MAGI1: variants seen among roughly 807,000 people sequenced by gnomAD.
The protein encoded by MAGI1 is membrane associated guanylate kinase, WW and PDZ domain containing 1, also known as membrane-associated guanylate kinase, WW and PDZ domain-containing protein 1.
A neutral mutation model predicts 139.9 loss-of-function variants in MAGI1; 58 were observed. That is an observed-to-expected ratio of 0.41 (90% CI 0.34 to 0.52). MAGI1 has a LOEUF of 0.52. Among genes scored for constraint, MAGI1 ranks in the 20% least tolerant of loss-of-function variants. The pLI is 0.12. For missense variants in MAGI1, 1,874 were observed against 1,901.6 expected (o/e 0.99, Z 0.27); for synonymous variants, 812 against 737.9 (o/e 1.10, Z -1.63).
At chr3:65,497,010 G>A (rs1183207945) in intron 2 of MAGI1, among the ~76,000 whole-genome samples, 1 of 152,068 alleles carries the variant, frequency 6.6e-6, no homozygotes, top group East Asian at 1.9e-4. Flanking sequence ...TGAGGGGAAA[G>A]GTTTTGGGAA....
chr3:65,735,797 C>T (rs1371995283), intron 1 of MAGI1, among the ~76,000 whole-genome samples: 1 of 152,168 alleles, frequency 6.6e-6, no homozygotes, highest in Non-Finnish European at 1.5e-5. Context: ...CTTGCCAATA[C>T]ACATATATTA....
chr3:65,575,187 C>CTA lies in MAGI1; in HGVS notation c.430+46783_430+46784dup, dbSNP rs1359375311. Among the ~76,000 whole-genome samples the CTA allele has an allele frequency of 2.0e-5, 3 of 152,046 alleles. No homozygotes were observed. The East Asian group carries it at 5.8e-4, about 29-fold the overall frequency. On this transcript the variant is annotated intron_variant, in intron 2 of 22. Transcript: ENST00000402939. ...CTGAAAAAGGTCTTATATTCAGAAT[C>CTA]TATAGAGTTCCAAACAAAACACCAA...
At chr3:65,799,579 T>C (rs1235614827) in intron 1 of MAGI1, among the ~76,000 whole-genome samples, 3 of 152,174 alleles carry the variant, frequency 2.0e-5, no homozygotes, top group African/African-American at 7.2e-5. Flanking sequence ...TTATCATACA[T>C]ATGTATGTAT....
At chr3:65,627,708 G>A (rs149404787) in intron 1 of MAGI1, among the ~76,000 whole-genome samples, 129 of 151,312 alleles carry the variant, frequency 8.5e-4, no homozygotes, top group African/African-American at 2.6e-3. Context: ...GGGTTTCACC[G>A]TGCTAGCCAG....
chr3:65,389,950 C>T (rs1220394644), intron 14 of MAGI1, among the ~76,000 whole-genome samples: 1 of 152,232 alleles, frequency 6.6e-6, no homozygotes, highest in Non-Finnish European at 1.5e-5. Flanking sequence ...CTCTGCCCCC[C>T]AACTGCTGAG....
At chr3:65,882,999 T>G (rs191999354) in intron 1 of MAGI1, among the ~76,000 whole-genome samples, 2 of 151,208 alleles carry the variant, frequency 1.3e-5, no homozygotes, top group South Asian at 2.1e-4. Flanking sequence ...AAAGGACAAG[T>G]TGACCTCACA....
intron 1 of MAGI1, among the ~76,000 whole-genome samples, chr3:65,944,866 T>C (rs572719003): frequency 6.6e-5 from 10 of 152,322 alleles, no homozygotes; most frequent in African/African-American, 2.4e-4. Flanking sequence ...AAAGAGAGTG[T>C]CAATTTTGTC....
chr3:65,791,796 C>T (rs1184764466), intron 1 of MAGI1, among the ~76,000 whole-genome samples: 6 of 152,070 alleles, frequency 3.9e-5, no homozygotes, highest in Admixed American at 3.9e-4. Context: ...AGCAGAAAAA[C>T]ATTCAAATAT....
rs767102982 is a variant in MAGI1 at position 65,375,959 on chromosome 3, G to T, written c.2996-14C>A. 2 of 1,605,448 alleles carry T rather than the reference G, an allele frequency of 1.2e-6. No homozygotes were observed. The highest frequency in any genetic ancestry group is 2.2e-5 in the South Asian group (2 of 90,626). On this transcript the variant is annotated splice_polypyrimidine_tract_variant and intron_variant, in intron 17 of 22. Coordinates refer to ENST00000402939, the MANE Select transcript of MAGI1 (RefSeq NM_001033057.2). ...CACATGCATTGCCTGCTTTGATATT[G>T]AGTTTTAATTTTTTTAAAGTTACGT...
chr3:65,625,318 T>C (rs953481688), intron 1 of MAGI1, among the ~76,000 whole-genome samples: 4 of 152,126 alleles, frequency 2.6e-5, no homozygotes, highest in Admixed American at 2.6e-4. Flanking sequence ...ATATATACAG[T>C]GATTGGATGA....
intron 2 of MAGI1, among the ~76,000 whole-genome samples, chr3:65,529,944 C>T (rs1220648719): frequency 1.3e-5 from 2 of 152,170 alleles, no homozygotes; most frequent in Non-Finnish European, 2.9e-5. Context: ...GATCTTGACC[C>T]TCTCCCACCT....
At chr3:65,478,507 C>T in intron 4 of MAGI1, 85 bp downstream of exon 4, 4 of 1,326,776 alleles carry the variant, frequency 3.0e-6, no homozygotes, top group Admixed American at 1.7e-5. Flanking sequence ...CTCCTGAGAA[C>T]AGCATCCTTT....
At chr3:65,683,657 G>GATATATAT (rs377247002) in intron 1 of MAGI1, among the ~76,000 whole-genome samples, 576 of 86,378 alleles carry the variant, frequency 6.7e-3, no homozygotes, top group African/African-American at 9.6e-3. Flanking sequence ...GACTGAATAG[G>GATATATAT]ATATATATAT....
intron 1 of MAGI1, among the ~76,000 whole-genome samples, chr3:65,794,595 C>G (rs1263571700): frequency 1.3e-5 from 2 of 152,018 alleles, no homozygotes. Context: ...TCTGGCCTAG[C>G]CAATGTCAGC....
chr3:65,460,322 G>C (rs1190125080), intron 5 of MAGI1, among the ~76,000 whole-genome samples: 1 of 152,110 alleles, frequency 6.6e-6, no homozygotes, highest in African/African-American at 2.4e-5. Context: ...TTTGTACTGT[G>C]TTTAGTTTTG....
chr3:66,028,478 G>C (rs1374810917), intron 1 of MAGI1, among the ~76,000 whole-genome samples: 1 of 151,936 alleles, frequency 6.6e-6, no homozygotes, highest in Non-Finnish European at 1.5e-5. Context: ...GCCTGGATTT[G>C]AACCCAGGCG....
At chr3:65,855,699 TTAAA>T (rs1273642699) in intron 1 of MAGI1, among the ~76,000 whole-genome samples, 3 of 137,652 alleles carry the variant, frequency 2.2e-5, no homozygotes, top group Non-Finnish European at 4.7e-5. Flanking sequence ...GAAAACATAA[TTAAA>T]TAAAATCAGA....
intron 1 of MAGI1, among the ~76,000 whole-genome samples, chr3:65,888,145 T>A (rs58687721): frequency 3.3e-5 from 5 of 152,146 alleles, no homozygotes; most frequent in African/African-American, 1.2e-4. Flanking sequence ...CTATCCAACC[T>A]GATGGTAAGA....
At chr3:65,506,338 C>T (rs949554611) in intron 2 of MAGI1, among the ~76,000 whole-genome samples, 6 of 152,136 alleles carry the variant, frequency 3.9e-5, no homozygotes, top group African/African-American at 1.4e-4. Context: ...ACAGTATCTG[C>T]CCACGCCCGC....
Sources: gnomAD v4.1 joint callset for allele counts (sites outside exome capture counted in the v4.1 genomes callset) on GRCh38, gnomAD v4.1.1 for gene constraint, MANE v1.5 for transcripts, NCBI Gene and HGNC (gene_info 2026-07-23, HGNC 2026-07-21) for gene names.